The following CCDC32 variants were observed in gnomAD, a reference collection of about 807,000 sequenced individuals.
CCDC32 encodes the protein coiled-coil domain containing 32.
In CCDC32, 9 loss-of-function variants were observed where a neutral mutation model predicts 20.1. The observed-to-expected ratio is 0.45, with a 90% CI of 0.27 to 0.78. The LOEUF is 0.78. CCDC32 is among the 30% of genes least tolerant of loss of function. The probability of loss-of-function intolerance (pLI) is 0.16; values close to 1 mark genes in which losing one functional copy is unlikely to be tolerated. For synonymous variants in CCDC32, 63 were observed against 79.0 expected (o/e 0.80, Z 1.07); for missense variants, 204 against 215.5 (o/e 0.95, Z 0.33).
chr15:40,522,848 A>C, the CCDC32 span, among the ~76,000 whole-genome samples: 2 of 60,574 alleles, frequency 3.3e-5, no homozygotes, highest in African/African-American at 5.5e-5. Context: ...TTTTTTTTTG[A>C]AACTATTTCG....
chr15:40,528,973 T>G (rs1894935179), intron 3 of CCDC32, among the ~76,000 whole-genome samples: 1 of 152,176 alleles, frequency 6.6e-6, no homozygotes, highest in African/African-American at 2.4e-5. Context: ...CAGCAGTCTT[T>G]CGGTGGGGAC....
chr15:40,536,739 A>G (rs1352333328), downstream of CCDC32: 1 of 152,278 alleles, frequency 6.6e-6, no homozygotes, highest in African/African-American at 2.4e-5. Flanking sequence ...CTCAATGAGC[A>G]ACACAGAGCC....
At chr15:40,522,743 TGAG>T in the CCDC32 span, among the ~76,000 whole-genome samples, 1 of 152,028 alleles carries the variant, frequency 6.6e-6, no homozygotes, top group Non-Finnish European at 1.5e-5. Flanking sequence ...CAGCAAAGCC[TGAG>T]GAGGACAGTC....
downstream of CCDC32, among the ~76,000 whole-genome samples, chr15:40,526,980 G>A (rs980492731): frequency 6.6e-6 from 1 of 152,132 alleles, no homozygotes; most frequent in African/African-American, 2.4e-5. Flanking sequence ...TCTTGCCAGA[G>A]CAGCAGTACA....
chr15:40,552,989 C>T (rs567393671), downstream of CCDC32: 1 of 405,098 alleles, frequency 2.5e-6, no homozygotes, highest in South Asian at 1.1e-4. Context: ...TAACAGGAGG[C>T]TGGCAAAGTG....
intron 2 of CCDC32, among the ~76,000 whole-genome samples, chr15:40,560,614 T>C (rs1042955036): frequency 2.0e-5 from 3 of 152,076 alleles, no homozygotes; most frequent in African/African-American, 7.2e-5. Context: ...AACAAACATA[T>C]GAAAAAATGC....
downstream of CCDC32, chr15:40,537,639 A>C (rs536431350): frequency 2.0e-5 from 3 of 152,410 alleles, no homozygotes; most frequent in South Asian, 6.2e-4. Flanking sequence ...AGTCAGAGAA[A>C]GGTTCGAGTC....
chr15:40,550,209 T>C (rs1021358741), downstream of CCDC32, among the ~76,000 whole-genome samples: 2 of 152,204 alleles, frequency 1.3e-5, no homozygotes, highest in Non-Finnish European at 1.5e-5. Flanking sequence ...TGTTGGTGAT[T>C]ACCCTCCCCT....
chr15:40,539,834 CTG>C (rs1889299381), intron 3 of CCDC32, among the ~76,000 whole-genome samples: 1 of 84,446 alleles, frequency 1.2e-5, no homozygotes, highest in African/African-American at 3.4e-5. Flanking sequence ...AGTGATCAAA[CTG>C]TTGCCACACA....
At chr15:40,527,423 G>A (rs956123165), downstream of CCDC32, among the ~76,000 whole-genome samples, 1 of 152,126 alleles carries the variant, frequency 6.6e-6, no homozygotes, top group African/African-American at 2.4e-5. Flanking sequence ...CACCTGCCTC[G>A]GCCTCCCAAG....
rs1346090278 is a variant in CCDC32, at chr15:40,553,942, G to A, written c.*29C>T. On this transcript the variant is annotated 3_prime_UTR_variant, in exon 4 of 4. Transcript: ENST00000416810. ...TGTGTGTGTGTGTGTGTGTGTGTGT[G>A]TGTGTGTGTGTGTGTGTGTGTGTGT... 11 of 623,484 alleles carry A rather than the reference G, an allele frequency of 1.8e-5. No individual in the cohort carries two copies. Among genetic ancestry groups the A allele is most frequent in the South Asian group, 3.9e-5 (2 of 51,850 alleles). The allele number at this position is 623,484 out of a possible 1,614,324, so 38.6% of individuals were successfully genotyped here. A position where few individuals can be genotyped will look rare whatever the true frequency, so the allele number is the denominator to read the frequency against.
At chr15:40,533,787 G>A (rs527743942), downstream of CCDC32, among the ~76,000 whole-genome samples, 1 of 152,268 alleles carries the variant, frequency 6.6e-6, no homozygotes, top group South Asian at 2.1e-4. Flanking sequence ...GGAGGAGGGA[G>A]TGTTTTCATT....
chr15:40,531,055 T>C (rs1317860219), downstream of CCDC32, among the ~76,000 whole-genome samples: 1 of 151,488 alleles, frequency 6.6e-6, no homozygotes, highest in Non-Finnish European at 1.5e-5. Flanking sequence ...ACAGATGACA[T>C]GCAAATTTGT....
intron 3 of CCDC32, among the ~76,000 whole-genome samples, chr15:40,540,896 A>T (rs1395649069): frequency 6.6e-6 from 1 of 152,196 alleles, no homozygotes; most frequent in Non-Finnish European, 1.5e-5. Context: ...AAGCTGGGCC[A>T]AGAAGGAAGA....
intron 3 of CCDC32, among the ~76,000 whole-genome samples, chr15:40,556,193 T>C (rs1890225481): frequency 6.6e-6 from 1 of 152,208 alleles, no homozygotes; most frequent in Admixed American, 6.5e-5. Flanking sequence ...ATGCCCTCTC[T>C]ATCTTTCTGC....
rs1217055738 is a variant in CCDC32 at position 40,557,300 on chromosome 15, T to C, written c.317A>G (p.Gln106Arg). ...CCGATCCCAGCATTCCTTCTTGGCT[T>C]GGGCCAGAGTTCGAAGCATGTCCTT... is the stretch of plus-strand genomic sequence containing the variant. ...TSKDMLRTLA[Q>R]AKKECWDRFL... is the part of the protein sequence containing the mutation. Residue 106 changes from glutamine (Q) to arginine (R), a missense_variant, in exon 3 of 4, where the codon CAA (glutamine) becomes CGA (arginine). By Grantham distance (43) the Gln-to-Arg change is conservative. Transcript: ENST00000416810. 2 of 1,614,218 alleles carry C rather than the reference T, an allele frequency of 1.2e-6. No homozygotes were observed. The highest frequency in any genetic ancestry group is 2.2e-5 in the East Asian group (1 of 44,886).
At chr15:40,524,338 A>T (rs373065769), downstream of CCDC32, among the ~76,000 whole-genome samples, 1 of 151,268 alleles carries the variant, frequency 6.6e-6, no homozygotes, top group African/African-American at 2.4e-5. Context: ...TTGTATTTTT[A>T]GTAGAGACGG....
At chr15:40,550,200 G>C (rs894250369), downstream of CCDC32, among the ~76,000 whole-genome samples, 2 of 152,184 alleles carry the variant, frequency 1.3e-5, no homozygotes, top group Non-Finnish European at 2.9e-5. Flanking sequence ...CTTGGCCCGT[G>C]TTGGTGATTA....
At chr15:40,542,619 A>T (rs1233002924) in intron 3 of CCDC32, among the ~76,000 whole-genome samples, 5 of 152,246 alleles carry the variant, frequency 3.3e-5, no homozygotes, top group Non-Finnish European at 7.3e-5. Context: ...CTGTAATCCC[A>T]GCACTTTGGG....
Sources: allele counts gnomAD v4.1 joint callset (sites outside exome capture counted in the v4.1 genomes callset), GRCh38; gene constraint gnomAD v4.1.1; transcripts MANE v1.5; gene names NCBI Gene and HGNC (gene_info 2026-07-23, HGNC 2026-07-21).